SIL1: variants seen among roughly 807,000 people sequenced by gnomAD.
SIL1 encodes the protein nucleotide exchange factor SIL1.
In SIL1, 40 loss-of-function variants were observed where a neutral mutation model predicts 49.1. The observed-to-expected ratio is 0.81, with a 90% CI of 0.63 to 1.06. The LOEUF is 1.06. Among genes scored for constraint, SIL1 ranks in the 50% least tolerant of loss-of-function variants. The pLI, the probability that SIL1 is intolerant of heterozygous loss-of-function variation, is 0.00. For synonymous variants in SIL1, 253 were observed against 250.8 expected, an observed-to-expected ratio of 1.01 and a Z score of -0.08; for missense variants, 500 against 572.6, an observed-to-expected ratio of 0.87 and a Z score of 1.29.
chr5:139,011,414 AC>A (rs1292155670), intron 7 of SIL1, among the ~76,000 whole-genome samples: 1 of 151,894 alleles, frequency 6.6e-6, no homozygotes, highest in Non-Finnish European at 1.5e-5. Flanking sequence ...TGCAGAAATC[AC>A]CCATCTTCTG....
At chr5:139,039,337 C>T (rs1768988955) in intron 5 of SIL1, among the ~76,000 whole-genome samples, 1 of 152,188 alleles carries the variant, frequency 6.6e-6, no homozygotes, top group Non-Finnish European at 1.5e-5. Flanking sequence ...GACTCCCCAC[C>T]TCAATGTCCA....
chr5:139,138,144 TACACAC>T (rs4031712), intron 1 of SIL1, among the ~76,000 whole-genome samples: 2 of 149,902 alleles, frequency 1.3e-5, no homozygotes, highest in African/African-American at 2.5e-5. Context: ...CACACACATA[TACACAC>T]ACACACACAC....
At chr5:139,108,664 T>G in intron 3 of SIL1, among the ~76,000 whole-genome samples, 1 of 152,240 alleles carries the variant, frequency 6.6e-6, no homozygotes. Flanking sequence ...CTAATGTGTT[T>G]TTCCTCTAGT....
intron 3 of SIL1, among the ~76,000 whole-genome samples, chr5:139,056,987 G>C (rs992817053): frequency 4.6e-5 from 7 of 152,138 alleles, no homozygotes; most frequent in African/African-American, 7.2e-5. Context: ...AAATTCTTCT[G>C]CCTTGGGATC....
chr5:139,018,559 C>T (rs777480648), intron 7 of SIL1, among the ~76,000 whole-genome samples: 34 of 137,804 alleles, frequency 2.5e-4, no homozygotes, highest in Non-Finnish European at 3.9e-4. Context: ...CACTGTACTC[C>T]AGCCTGAGTG....
chr5:139,044,693 C>T (rs549101139), intron 4 of SIL1, among the ~76,000 whole-genome samples: 1 of 152,278 alleles, frequency 6.6e-6, no homozygotes, highest in East Asian at 1.9e-4. Flanking sequence ...GTTGCCTTTA[C>T]AAAAGCTTTA....
chr5:139,167,014 G>A (rs1222267460), intron 1 of SIL1, among the ~76,000 whole-genome samples: 5 of 151,954 alleles, frequency 3.3e-5, no homozygotes, highest in African/African-American at 7.3e-5. Flanking sequence ...GGGTTTCACC[G>A]TGTTAGCCAG....
chr5:139,131,036 T>A (rs988856356), intron 1 of SIL1, among the ~76,000 whole-genome samples: 1 of 152,212 alleles, frequency 6.6e-6, no homozygotes, highest in Non-Finnish European at 1.5e-5. Flanking sequence ...AATATTCTAG[T>A]AAACTAGGAT....
At chr5:139,172,466 TA>T (rs1474086645) in intron 1 of SIL1, among the ~76,000 whole-genome samples, 1 of 152,020 alleles carries the variant, frequency 6.6e-6, no homozygotes, top group African/African-American at 2.4e-5. Context: ...ACCCTGTCTC[TA>T]CTAAAAATAC....
chr5:139,091,602 GACA>G, intron 3 of SIL1, among the ~76,000 whole-genome samples: 1 of 152,216 alleles, frequency 6.6e-6, no homozygotes, highest in Non-Finnish European at 1.5e-5. Flanking sequence ...AGGGGAATTT[GACA>G]ACATCTAATA....
intron 1 of SIL1, among the ~76,000 whole-genome samples, chr5:139,182,870 A>C (rs974349574): frequency 1.3e-5 from 2 of 152,210 alleles, no homozygotes; most frequent in South Asian, 4.1e-4. Context: ...GCTATGACCC[A>C]AAAGCTTGCC....
At chr5:139,038,008 C>T (rs1768956878) in intron 5 of SIL1, among the ~76,000 whole-genome samples, 1 of 152,202 alleles carries the variant, frequency 6.6e-6, no homozygotes, top group Non-Finnish European at 1.5e-5. Flanking sequence ...CACCTTCTAG[C>T]TGTGTCTTCA....
chr5:139,057,975 GC>G (rs1769493976), intron 3 of SIL1, among the ~76,000 whole-genome samples: 1 of 152,048 alleles, frequency 6.6e-6, no homozygotes, highest in African/African-American at 2.4e-5. Context: ...CCTCCTAAAG[GC>G]CCCACCTTCT....
intron 7 of SIL1, among the ~76,000 whole-genome samples, chr5:138,989,982 A>T (rs575537050): frequency 6.6e-6 from 1 of 152,254 alleles, no homozygotes; most frequent in African/African-American, 2.4e-5. Flanking sequence ...TCAGCCACTG[A>T]TCACTGTCCA....
intron 1 of SIL1, among the ~76,000 whole-genome samples, chr5:139,146,996 C>A (rs1249678838): frequency 6.6e-6 from 1 of 152,174 alleles, no homozygotes; most frequent in Non-Finnish European, 1.5e-5. Context: ...CCTTCCTCAT[C>A]CACTGTTTAA....
intron 3 of SIL1, chr5:139,108,185 T>A (rs991824540): frequency 5.9e-5 from 9 of 152,176 alleles, no homozygotes; most frequent in African/African-American, 1.9e-4. Flanking sequence ...CCAGAAGATT[T>A]TTTTTCTCTT....
intron 3 of SIL1, 22 bp from the exon 4 acceptor site, chr5:139,051,068 G>T: frequency 1.2e-6 from 2 of 1,610,208 alleles, no homozygotes; most frequent in Non-Finnish European, 1.7e-6. Context: ...GAAGAGAAAA[G>T]GCTCATGAGG....
At chr5:139,135,857 G>A (rs1031290775) in intron 1 of SIL1, among the ~76,000 whole-genome samples, 3 of 152,086 alleles carry the variant, frequency 2.0e-5, no homozygotes, top group Non-Finnish European at 4.4e-5. Flanking sequence ...TTGAGGTCAG[G>A]AGCTCGAGAC....
chr5:138,994,609 A>G (rs936301560), intron 7 of SIL1, among the ~76,000 whole-genome samples: 2 of 152,236 alleles, frequency 1.3e-5, no homozygotes, highest in African/African-American at 4.8e-5. Context: ...CCTAAAATCC[A>G]TATGGAAGAG....
Sources: gnomAD v4.1 joint callset for allele counts (sites outside exome capture counted in the v4.1 genomes callset) on GRCh38, gnomAD v4.1.1 for gene constraint, MANE v1.5 for transcripts, NCBI Gene and HGNC (gene_info 2026-07-23, HGNC 2026-07-21) for gene names.